Variants in RNF180 observed in about 807,000 individuals in gnomAD.
RNF180 encodes the protein E3 ubiquitin-protein ligase RNF180.
In RNF180, 38 loss-of-function variants were observed where a neutral mutation model predicts 59.2. The observed-to-expected ratio is 0.64, with a 90% CI of 0.50 to 0.84. The LOEUF (loss-of-function observed/expected upper bound fraction) is 0.84. RNF180 is among the 40% of genes least tolerant of loss of function. The pLI, the probability that RNF180 is intolerant of heterozygous loss-of-function variation, is 0.00. For synonymous variants in RNF180, 262 were observed against 240.3 expected, an observed-to-expected ratio of 1.09 and a Z score of -0.84; for missense variants, 705 against 700.9, an observed-to-expected ratio of 1.01 and a Z score of -0.07.
intron 7 of RNF180, among the ~76,000 whole-genome samples, chr5:64,366,202 A>G (rs1473508416): frequency 2.0e-5 from 3 of 151,450 alleles, no homozygotes; most frequent in Non-Finnish European, 4.4e-5. Context: ...TCTGAAAAGG[A>G]TATTATTTCT....
chr5:64,334,801 T>A (rs1745052822), intron 7 of RNF180, among the ~76,000 whole-genome samples: 1 of 152,184 alleles, frequency 6.6e-6, no homozygotes, highest in South Asian at 2.1e-4. Context: ...ACTTATCCAT[T>A]CTCTTGTTGA....
At chr5:64,259,545 G>T (rs929587967) in intron 5 of RNF180, among the ~76,000 whole-genome samples, 1 of 152,092 alleles carries the variant, frequency 6.6e-6, no homozygotes, top group Non-Finnish European at 1.5e-5. Context: ...TACTCCTATT[G>T]TCTGAACTTT....
chr5:64,352,643 C>G (rs947279326), intron 7 of RNF180, among the ~76,000 whole-genome samples: 1 of 152,020 alleles, frequency 6.6e-6, no homozygotes, highest in South Asian at 2.1e-4. Context: ...TTATTTCTGC[C>G]TTCAAAGAAA....
chr5:64,331,436 C>G (rs533639293), intron 7 of RNF180, among the ~76,000 whole-genome samples: 1 of 152,178 alleles, frequency 6.6e-6, no homozygotes, highest in Non-Finnish European at 1.5e-5. Flanking sequence ...GCACTTCCTC[C>G]CCTCTTTAGC....
chr5:64,369,466 T>TA lies in RNF180; in HGVS notation c.1580-139dup, dbSNP rs56066106. 4.0e-3 allele frequency: 1,755 copies of TA among 437,580 alleles called. 1 individual carries two copies. The highest frequency in any genetic ancestry group is 6.6e-3 in the South Asian group (108 of 16,412). 27.1% of individuals were successfully genotyped at this position (437,580 alleles called of 1,614,324 possible). On this transcript the variant is annotated intron_variant, in intron 7 of 7. Coordinates refer to ENST00000389100, the MANE Select transcript of RNF180 (RefSeq NM_001113561.2). ...CCTAAAACTTAAAGTATAATAATAA[T>TA]AAAAAAAAAAGAAAAAACTGTCAGG...
At chr5:64,246,132 A>G (rs1481706625) in intron 5 of RNF180, among the ~76,000 whole-genome samples, 1 of 152,198 alleles carries the variant, frequency 6.6e-6, no homozygotes. Context: ...TTAAAGGGAA[A>G]TTTATAGCAC....
rs1406883639 is a variant in RNF180 at position 64,325,287 on chromosome 5, T to C, written c.1329T>C (p.Tyr443=). 6 of 1,551,122 alleles carry C rather than the reference T, an allele frequency of 3.9e-6. No homozygotes were observed. Among genetic ancestry groups the C allele is most frequent in the Non-Finnish European group, 5.2e-6 (6 of 1,146,534 alleles). The change falls in exon 6 of 8, where the codon TAT becomes TAC. Residue 443 remains tyrosine (Y), a synonymous_variant. Coordinates refer to ENST00000389100, the MANE Select transcript of RNF180 (RefSeq NM_001113561.2). ...AVCLDVYFNP[Y]MCYPCHHIFC... is the part of the protein sequence containing the mutation. ...GTCTGGACGTTTATTTCAACCCTTA[T>C]ATGTGTTACCCTTGCCATCACATCT... is the stretch of plus-strand genomic sequence containing the variant.
chr5:64,276,477 G>T (rs1024462331), intron 5 of RNF180, among the ~76,000 whole-genome samples: 2 of 151,842 alleles, frequency 1.3e-5, no homozygotes, highest in South Asian at 2.1e-4. Flanking sequence ...GGAGAGAAAA[G>T]ACTAAATGAC....
intron 5 of RNF180, among the ~76,000 whole-genome samples, chr5:64,285,308 G>A (rs750571661): frequency 6.6e-5 from 10 of 152,206 alleles, no homozygotes; most frequent in East Asian, 1.9e-4. Context: ...CTTGCATGCC[G>A]TTGTCACTAG....
intron 7 of RNF180, among the ~76,000 whole-genome samples, chr5:64,338,144 T>A (rs1745208255): frequency 6.6e-6 from 1 of 152,218 alleles, no homozygotes; most frequent in Non-Finnish European, 1.5e-5. Context: ...TTAACAACCT[T>A]ACGAAATTGT....
intron 6 of RNF180, among the ~76,000 whole-genome samples, chr5:64,326,514 G>T (rs1369951663): frequency 2.0e-5 from 3 of 152,074 alleles, no homozygotes; most frequent in South Asian, 2.1e-4. Context: ...CTGCCATCAG[G>T]CTGCATATTC....
intron 2 of RNF180, among the ~76,000 whole-genome samples, chr5:64,210,276 C>G (rs1046706080): frequency 6.6e-6 from 1 of 152,082 alleles, no homozygotes; most frequent in South Asian, 2.1e-4. Flanking sequence ...TAAGGTGGCT[C>G]TTCACAGAGT....
intron 5 of RNF180, among the ~76,000 whole-genome samples, chr5:64,295,422 A>G (rs1469070155): frequency 6.6e-6 from 1 of 152,230 alleles, no homozygotes; most frequent in African/African-American, 2.4e-5. Context: ...ACCTTGGACC[A>G]TGAGGAGATG....
chr5:64,255,813 CAA>C (rs1373809939), intron 5 of RNF180, among the ~76,000 whole-genome samples: 1 of 152,242 alleles, frequency 6.6e-6, no homozygotes, highest in African/African-American at 2.4e-5. Context: ...TACATTCCCA[CAA>C]ACAGTGTAAA....
chr5:64,255,961 C>T (rs1743922121), intron 5 of RNF180, among the ~76,000 whole-genome samples: 1 of 152,200 alleles, frequency 6.6e-6, no homozygotes, highest in South Asian at 2.1e-4. Flanking sequence ...TGATGATGAG[C>T]ATTTTTTCAT....
intron 5 of RNF180, among the ~76,000 whole-genome samples, chr5:64,274,048 G>A (rs973908108): frequency 6.6e-6 from 1 of 152,012 alleles, no homozygotes; most frequent in Admixed American, 6.6e-5. Flanking sequence ...GAGAAGCCCT[G>A]ATTTTAGTGC....
intron 7 of RNF180, among the ~76,000 whole-genome samples, chr5:64,347,888 T>G (rs1745617142): frequency 6.6e-6 from 1 of 152,114 alleles, no homozygotes; most frequent in Admixed American, 6.6e-5. Flanking sequence ...GTGGTTTTTG[T>G]TGGCAAAATC....
At chr5:64,298,188 A>G (rs1742983656) in intron 5 of RNF180, among the ~76,000 whole-genome samples, 1 of 152,096 alleles carries the variant, frequency 6.6e-6, no homozygotes, top group Admixed American at 6.6e-5. Flanking sequence ...CCTGCAAAGG[A>G]CATGATCTCA....
chr5:64,264,896 C>G (rs1276577981), intron 5 of RNF180, among the ~76,000 whole-genome samples: 3 of 152,102 alleles, frequency 2.0e-5, no homozygotes, highest in Non-Finnish European at 4.4e-5. Flanking sequence ...TCTGTTATTT[C>G]CTGACTTTTT....
Sources: gnomAD v4.1 joint callset for allele counts (sites outside exome capture counted in the v4.1 genomes callset) on GRCh38, gnomAD v4.1.1 for gene constraint, MANE v1.5 for transcripts, NCBI Gene and HGNC (gene_info 2026-07-23, HGNC 2026-07-21) for gene names.